The following FMNL2 variants were observed in gnomAD, a reference collection of about 807,000 sequenced individuals.
The protein encoded by FMNL2 is formin-like protein 2.
Under a neutral mutation model 130.2 loss-of-function variants are expected in FMNL2, and 51 were observed. The ratio of observed to expected loss-of-function variants is 0.39; its 90% CI spans 0.31 to 0.49. FMNL2 has a LOEUF of 0.49. Ranked by LOEUF, FMNL2 falls within the 20% of genes least tolerant of loss-of-function variation. The pLI, the probability that FMNL2 is intolerant of heterozygous loss-of-function variation, is 0.85. For missense variants in FMNL2, 977 were observed against 1,316.2 expected, an observed-to-expected ratio of 0.74 and a Z score of 3.99; for synonymous variants, 465 against 467.1, an observed-to-expected ratio of 1.00 and a Z score of 0.06.
chr2:152,452,632 C>T (rs1386682743), intron 1 of FMNL2, among the ~76,000 whole-genome samples: 1 of 152,026 alleles, frequency 6.6e-6, no homozygotes, highest in Admixed American at 6.6e-5. Context: ...TTTCATATTC[C>T]CCCATCTGTG....
chr2:152,602,740 G>C (rs776583790), intron 9 of FMNL2, among the ~76,000 whole-genome samples: 2 of 152,180 alleles, frequency 1.3e-5, no homozygotes, highest in Non-Finnish European at 2.9e-5. Context: ...TGATGTACAC[G>C]TGCAAATATG....
At chr2:152,392,355 C>T (rs13003413) in intron 1 of FMNL2, among the ~76,000 whole-genome samples, 1,538 of 152,194 alleles carry the variant, frequency 0.01, 21 homozygotes, top group African/African-American at 0.029. Flanking sequence ...TTCATCTTTT[C>T]TGTGGGGTGA....
intron 6 of FMNL2, 137 bp downstream of exon 6, chr2:152,561,172 G>C: frequency 3.3e-6 from 3 of 900,214 alleles, no homozygotes; most frequent in Non-Finnish European, 4.9e-6. Context: ...CTAAATGAAT[G>C]TTTCTTTAGG....
rs562078189 is a variant in FMNL2, at chr2:152,349,114, C to T, written c.117+13394C>T. Among the ~76,000 whole-genome samples, 10 of 125,644 alleles carry T rather than the reference C, an allele frequency of 8.0e-5. 1 individual carries two copies. In the South Asian group the frequency reaches 1.5e-3, roughly 19 times the overall value. The allele number at this position is 125,644 out of a possible 152,430, so 82.4% of individuals were successfully genotyped here. ...CCTCCCAAAGTGCTGGGATTACAGG[C>T]GTGAGCCACCGCGCCCGGCCACTTC... On this transcript the variant is annotated intron_variant, in intron 1 of 25. Coordinates refer to ENST00000288670, the MANE Select transcript of FMNL2 (RefSeq NM_052905.4).
intron 25 of FMNL2, 59 bp downstream of exon 25, chr2:152,640,973 G>A: frequency 6.3e-7 from 1 of 1,599,840 alleles, no homozygotes. Flanking sequence ...CCTAGACTGG[G>A]ATGCATGCAG....
At chr2:152,582,251 C>T (rs1379915239) in intron 9 of FMNL2, among the ~76,000 whole-genome samples, 49 of 152,134 alleles carry the variant, frequency 3.2e-4, no homozygotes. Context: ...TGAAATGAGA[C>T]AGGACTTCGG....
chr2:152,507,904 T>C (rs2105348431), intron 1 of FMNL2, among the ~76,000 whole-genome samples: 1 of 152,102 alleles, frequency 6.6e-6, no homozygotes, highest in East Asian at 1.9e-4. Flanking sequence ...AAGGTTGTAA[T>C]TGTAATTTAT....
At chr2:152,348,682 GAA>G (rs1352442160) in intron 1 of FMNL2, among the ~76,000 whole-genome samples, 1 of 152,178 alleles carries the variant, frequency 6.6e-6, no homozygotes, top group Non-Finnish European at 1.5e-5. Flanking sequence ...TGAATTAGCA[GAA>G]GAGGAGGAGG....
intron 2 of FMNL2, among the ~76,000 whole-genome samples, chr2:152,527,742 G>C (rs920779450): frequency 3.3e-5 from 5 of 151,942 alleles, no homozygotes; most frequent in Non-Finnish European, 7.4e-5. Context: ...TCACTTCTTT[G>C]ATCTATGGGA....
chr2:152,404,012 G>C (rs1248509855), intron 1 of FMNL2, among the ~76,000 whole-genome samples: 1 of 152,186 alleles, frequency 6.6e-6, no homozygotes, highest in East Asian at 1.9e-4. Context: ...AGGTTGCAGT[G>C]AGCCGAGATC....
Position 152,619,540 on chromosome 2 carries a change from A to ACTG in FMNL2, c.1660_1661insTGC (p.Pro553_Pro554insLeu), listed in dbSNP as rs1343671742. The ACTG allele has an allele frequency of 2.1e-5, 29 of 1,401,922 alleles. No individual in the cohort carries two copies. The highest frequency in any genetic ancestry group is 2.2e-5 in the Non-Finnish European group (24 of 1,078,844). 86.8% of individuals were successfully genotyped at this position (1,401,922 alleles called of 1,614,324 possible). A position where few individuals can be genotyped will look rare whatever the true frequency, so the allele number is the denominator to read the frequency against. ...ATGGTCCAGTAACACCACCTATGCCACCGCCGCCGCCGCCCCCTCCTCCAC... is the reference window on the plus strand; with the variant it reads ...ATGGTCCAGTAACACCACCTATGCCACTGCCGCCGCCGCCGCCCCCTCCTCCAC... On this transcript the variant is annotated inframe_insertion, in exon 15 of 26. Transcript: ENST00000288670.
intron 1 of FMNL2, chr2:152,390,233 G>A: frequency 6.9e-7 from 1 of 1,455,026 alleles, no homozygotes; most frequent in Non-Finnish European, 9.6e-7. Flanking sequence ...GGAAGGACAT[G>A]GTGGTGGACA....
Position 152,367,746 on chromosome 2 carries a change from G to T in FMNL2, c.117+32026G>T, listed in dbSNP as rs555543925. Among the ~76,000 whole-genome samples, 10 of 152,270 alleles carry T rather than the reference G, an allele frequency of 6.6e-5. No individual in the cohort carries two copies. The East Asian group carries it at 1.4e-3, about 21-fold the overall frequency. On this transcript the variant is annotated intron_variant, in intron 1 of 25. Coordinates refer to ENST00000288670, the MANE Select transcript of FMNL2 (RefSeq NM_052905.4). ...TTCTGGTATTTTTCAGTGTTTTCTT[G>T]TGATTTTCATCTTTAAGCTAATTTG...
chr2:152,571,051 C>T (rs577136654), intron 6 of FMNL2, among the ~76,000 whole-genome samples: 1 of 152,210 alleles, frequency 6.6e-6, no homozygotes. Context: ...ATCCCTCCCT[C>T]TCCAGTTCCA....
chr2:152,595,668 C>G (rs574988698), intron 9 of FMNL2, among the ~76,000 whole-genome samples: 2 of 152,244 alleles, frequency 1.3e-5, no homozygotes, highest in East Asian at 3.9e-4. Context: ...AATTTGTTTA[C>G]TTGGGTGGAT....
intron 1 of FMNL2, among the ~76,000 whole-genome samples, chr2:152,418,802 A>C (rs9917302): frequency 3.6e-4 from 55 of 151,962 alleles, no homozygotes; most frequent in African/African-American, 1.3e-3. Context: ...TTCTGCTTTC[A>C]GTACTTTTGA....
chr2:152,593,860 A>AGAGTGT (rs1365489869), intron 9 of FMNL2, among the ~76,000 whole-genome samples: 100 of 113,324 alleles, frequency 8.8e-4, no homozygotes, highest in Admixed American at 3.1e-3. Flanking sequence ...AGAGAGAGAG[A>AGAGTGT]GTGTGTGTGT....
At chr2:152,580,307 T>C (rs530368640) in intron 8 of FMNL2, among the ~76,000 whole-genome samples, 16 of 152,242 alleles carry the variant, frequency 1.1e-4, no homozygotes, top group Non-Finnish European at 2.1e-4. Flanking sequence ...AGAGTGTATC[T>C]CCATGTTCTC....
At chr2:152,401,499 C>A (rs1685690465) in intron 1 of FMNL2, among the ~76,000 whole-genome samples, 1 of 152,154 alleles carries the variant, frequency 6.6e-6, no homozygotes, top group Non-Finnish European at 1.5e-5. Flanking sequence ...AGAATTCTTC[C>A]TTTTTGATCT....
Sources: gnomAD v4.1 joint callset for allele counts (sites outside exome capture counted in the v4.1 genomes callset) on GRCh38, gnomAD v4.1.1 for gene constraint, MANE v1.5 for transcripts, NCBI Gene and HGNC (gene_info 2026-07-23, HGNC 2026-07-21) for gene names.